The following SORCS3 variants were observed in gnomAD, a reference collection of about 807,000 sequenced individuals.
SORCS3 encodes sortilin related VPS10 domain containing receptor 3.
A neutral mutation model predicts 146.3 loss-of-function variants in SORCS3; 57 were observed. The observed-to-expected ratio is 0.39, with a 90% CI of 0.31 to 0.49. SORCS3 has a LOEUF of 0.49. Among genes scored for constraint, SORCS3 ranks in the 20% least tolerant of loss-of-function variants. SORCS3 has a pLI of 0.92. For missense variants in SORCS3, 1,341 were observed against 1,575.5 expected (o/e 0.85, Z 2.52); for synonymous variants, 653 against 618.5 (o/e 1.06, Z -0.83).
chr10:105,187,243 C>G (rs575329556), intron 14 of SORCS3, among the ~76,000 whole-genome samples: 1 of 152,108 alleles, frequency 6.6e-6, no homozygotes, highest in Non-Finnish European at 1.5e-5. Flanking sequence ...TATTTTCAAG[C>G]CTTTCAATCT....
chr10:105,191,538 G>C (rs1184719215), intron 14 of SORCS3, among the ~76,000 whole-genome samples: 1 of 152,136 alleles, frequency 6.6e-6, no homozygotes, highest in Non-Finnish European at 1.5e-5. Context: ...GTAGTCCAAA[G>C]GTTAGTATGA....
intron 3 of SORCS3, among the ~76,000 whole-genome samples, chr10:104,919,433 G>A (rs188798946): frequency 8.0e-4 from 122 of 152,032 alleles, no homozygotes; most frequent in African/African-American, 2.3e-3. Context: ...GCTCATGCCT[G>A]TAATCCCAGC....
chr10:104,725,644 G>C (rs532177375), intron 1 of SORCS3, among the ~76,000 whole-genome samples: 1 of 152,230 alleles, frequency 6.6e-6, no homozygotes, highest in South Asian at 2.1e-4. Context: ...CTCCCTGGCT[G>C]CTTTGTTTAC....
intron 1 of SORCS3, among the ~76,000 whole-genome samples, chr10:104,653,146 AG>A (rs2015583926): frequency 6.6e-6 from 1 of 152,206 alleles, no homozygotes; most frequent in Non-Finnish European, 1.5e-5. Flanking sequence ...CTGAGCTTTG[AG>A]GTCAAATAGA....
chr10:104,787,696 T>C (rs1213509659), intron 1 of SORCS3, among the ~76,000 whole-genome samples: 2 of 152,184 alleles, frequency 1.3e-5, no homozygotes, highest in East Asian at 3.8e-4. Flanking sequence ...TCCATAGCAG[T>C]TGGATTCAAA....
Position 105,255,773 on chromosome 10 carries a change from C to A in SORCS3, c.3309C>A (p.Val1103=), listed in dbSNP as rs1049134785. ...VQFELKPGVQ[V]IVYVTQLTLA... Reference sequence around the variant, plus strand: ...TTGAGCTGAAGCCGGGGGTACAAGTCATTGTGTATGTCACACAGCTGACGT... The same window carrying A: ...TTGAGCTGAAGCCGGGGGTACAAGTAATTGTGTATGTCACACAGCTGACGT... The change falls in exon 24 of 27, where the codon GTC becomes GTA. Residue 1103 remains valine, a synonymous_variant. Coordinates refer to ENST00000369701, the MANE Select transcript of SORCS3 (RefSeq NM_014978.3). 1 of 1,613,826 alleles carries A rather than the reference C, an allele frequency of 6.2e-7. No homozygotes were observed. The highest frequency in any genetic ancestry group is 8.5e-7 in the Non-Finnish European group (1 of 1,179,870).
At chr10:104,770,235 G>A (rs1318236779) in intron 1 of SORCS3, among the ~76,000 whole-genome samples, 2 of 152,154 alleles carry the variant, frequency 1.3e-5, no homozygotes, top group African/African-American at 2.4e-5. Context: ...GTACCCCTCA[G>A]TGCAGGTTCA....
intron 2 of SORCS3, among the ~76,000 whole-genome samples, chr10:104,856,595 CATATAAATGTATTT>C (rs66967394): frequency 0.59 from 78,368 of 132,612 alleles, 22,385 homozygotes; most frequent in East Asian, 0.75. Context: ...TAAATATATA[CATATAAATGTATTT>C]ATATGTATAT....
chr10:105,260,610 G>A (rs535920267), intron 25 of SORCS3, among the ~76,000 whole-genome samples: 14 of 152,286 alleles, frequency 9.2e-5, no homozygotes, highest in African/African-American at 3.4e-4. Flanking sequence ...AAGCAACTAA[G>A]TGTTTTAAAC....
intron 2 of SORCS3, among the ~76,000 whole-genome samples, chr10:104,883,974 A>C: frequency 3.0e-5 from 3 of 100,516 alleles, no homozygotes; most frequent in South Asian, 2.6e-4. Context: ...CTGCTGTGGA[A>C]TGAGGGGGGG....
At chr10:104,810,856 T>C (rs1343989992) in intron 1 of SORCS3, among the ~76,000 whole-genome samples, 2 of 152,244 alleles carry the variant, frequency 1.3e-5, no homozygotes, top group Non-Finnish European at 2.9e-5. Context: ...CATTCACTTA[T>C]TCATTTATTC....
intron 1 of SORCS3, among the ~76,000 whole-genome samples, chr10:104,740,173 C>G (rs928992306): frequency 2.0e-5 from 3 of 152,166 alleles, no homozygotes; most frequent in Non-Finnish European, 4.4e-5. Context: ...TTACATAAAA[C>G]TGAAACAGTC....
At chr10:104,853,344 G>T (rs767887473) in intron 2 of SORCS3, among the ~76,000 whole-genome samples, 2 of 152,234 alleles carry the variant, frequency 1.3e-5, no homozygotes, top group African/African-American at 4.8e-5. Context: ...CAGATTCCAG[G>T]TGCCTTTTGA....
intron 3 of SORCS3, among the ~76,000 whole-genome samples, chr10:104,923,459 A>G (rs2019108204): frequency 6.6e-6 from 1 of 152,198 alleles, no homozygotes. Flanking sequence ...TGGGTCCCTG[A>G]AACACACTGG....
At chr10:104,830,029 C>T (rs897947678) in intron 1 of SORCS3, among the ~76,000 whole-genome samples, 3 of 152,074 alleles carry the variant, frequency 2.0e-5, no homozygotes, top group Admixed American at 6.5e-5. Context: ...ATTAGGTATT[C>T]GTCCTAATGT....
At chr10:104,788,482 A>G (rs183176528) in intron 1 of SORCS3, among the ~76,000 whole-genome samples, 15 of 152,356 alleles carry the variant, frequency 9.8e-5, no homozygotes, top group Non-Finnish European at 1.8e-4. Context: ...GTGTAAATAC[A>G]TACTTTGCAT....
chr10:105,014,134 T>A lies in SORCS3; in HGVS notation c.955-28921T>A, dbSNP rs1356412997. Among the ~76,000 whole-genome samples, 35 of 148,788 alleles carry A rather than the reference T, an allele frequency of 2.4e-4. No homozygotes were observed. The Admixed American group carries it at 2.4e-3, about 10-fold the overall frequency. On this transcript the variant is annotated intron_variant, in intron 4 of 26. Coordinates refer to ENST00000369701, the MANE Select transcript of SORCS3 (RefSeq NM_014978.3). ...ACACATATATATACATATATATATATAACAACGTAATATAAAAAAATTCGC... is the reference window on the plus strand; with the variant it reads ...ACACATATATATACATATATATATAAAACAACGTAATATAAAAAAATTCGC...
intron 2 of SORCS3, among the ~76,000 whole-genome samples, chr10:104,851,809 C>T (rs2018276882): frequency 1.3e-5 from 2 of 152,128 alleles, no homozygotes; most frequent in Admixed American, 6.5e-5. Context: ...ACTTTCTCAT[C>T]GTTTGGTGGC....
intron 1 of SORCS3, among the ~76,000 whole-genome samples, chr10:104,677,975 C>A (rs1313158625): frequency 2.6e-5 from 4 of 152,042 alleles, no homozygotes; most frequent in Non-Finnish European, 4.4e-5. Context: ...GGATGATGAC[C>A]AGACATTTGT....
Sources: gnomAD v4.1 joint callset for allele counts (sites outside exome capture counted in the v4.1 genomes callset) on GRCh38, gnomAD v4.1.1 for gene constraint, MANE v1.5 for transcripts, NCBI Gene and HGNC (gene_info 2026-07-23, HGNC 2026-07-21) for gene names.